COL22A1: variants seen among roughly 807,000 people sequenced by gnomAD.
The protein encoded by COL22A1 is collagen type XXII alpha 1 chain, also known as collagen alpha-1(XXII) chain.
A neutral mutation model predicts 248.9 loss-of-function variants in COL22A1; 221 were observed. The ratio of observed to expected loss-of-function variants is 0.89; its 90% confidence interval spans 0.80 to 0.99. The LOEUF is 0.99. Among genes scored for constraint, COL22A1 ranks in the 50% least tolerant of loss-of-function variants. COL22A1 has a pLI of 0.00. For missense variants in COL22A1, 2,240 were observed against 2,179.0 expected, an observed-to-expected ratio of 1.03 and a Z score of -0.56; for synonymous variants, 891 against 793.4, an observed-to-expected ratio of 1.12 and a Z score of -2.07.
intron 16 of COL22A1, among the ~76,000 whole-genome samples, chr8:138,771,564 A>C (rs1471713649): frequency 6.6e-6 from 1 of 152,360 alleles, no homozygotes; most frequent in African/African-American, 2.4e-5. Context: ...AGACTCCAAA[A>C]GCTTGCTGGA....
chr8:138,779,714 C>A, intron 13 of COL22A1, 152 bp from the exon 14 acceptor site: 1 of 600,652 alleles, frequency 1.7e-6, no homozygotes. Flanking sequence ...CCCGGGCTCC[C>A]CTCAGATGCT....
chr8:138,739,409 T>A (rs1797748617), intron 22 of COL22A1, among the ~76,000 whole-genome samples: 2 of 152,196 alleles, frequency 1.3e-5, no homozygotes, highest in African/African-American at 2.4e-5. Flanking sequence ...CCTGAAATGC[T>A]CCTTTAACTG....
At chr8:138,600,618 A>T (rs1258841099) in intron 60 of COL22A1, among the ~76,000 whole-genome samples, 1 of 152,190 alleles carries the variant, frequency 6.6e-6, no homozygotes, top group Non-Finnish European at 1.5e-5. Context: ...AAGGGGTGAG[A>T]TGGAAGGGGC....
At chr8:138,743,645 T>C (rs1265517305) in intron 22 of COL22A1, among the ~76,000 whole-genome samples, 1 of 152,190 alleles carries the variant, frequency 6.6e-6, no homozygotes, top group African/African-American at 2.4e-5. Flanking sequence ...AAAAAATAAA[T>C]TTTGTAGCAA....
At chr8:138,881,337 G>C (rs1824188075) in intron 2 of COL22A1, among the ~76,000 whole-genome samples, 1 of 147,770 alleles carries the variant, frequency 6.8e-6, no homozygotes. Context: ...CTGTAAATTC[G>C]ATAAAGAAAT....
intron 51 of COL22A1, among the ~76,000 whole-genome samples, chr8:138,624,422 C>G (rs2131963213): frequency 6.6e-6 from 1 of 151,914 alleles, no homozygotes; most frequent in African/African-American, 2.4e-5. Flanking sequence ...CTAAGGACAA[C>G]AGTGAGCAGA....
At chr8:138,608,108 T>A in intron 56 of COL22A1, 119 bp from the exon 57 acceptor site, 1 of 778,062 alleles carries the variant, frequency 1.3e-6, no homozygotes, top group Non-Finnish European at 2.0e-6. Context: ...CTCTAGCCAG[T>A]GTGGCTCTCA....
At chr8:138,845,690 T>C (rs1821194656) in intron 3 of COL22A1, among the ~76,000 whole-genome samples, 2 of 152,136 alleles carry the variant, frequency 1.3e-5, no homozygotes, top group African/African-American at 4.8e-5. Flanking sequence ...TTAATCTGTG[T>C]GTCTTAGCGT....
chr8:138,881,473 G>C (rs143633714), intron 2 of COL22A1, among the ~76,000 whole-genome samples: 18 of 152,076 alleles, frequency 1.2e-4, no homozygotes, highest in African/African-American at 2.9e-4. Flanking sequence ...ATCACGAGGT[G>C]AGGCGATCGA....
chr8:138,684,528 C>T (rs1826197207), intron 38 of COL22A1, 59 bp from the exon 39 acceptor site: 9 of 1,223,946 alleles, frequency 7.4e-6, no homozygotes, highest in African/African-American at 3.0e-5. Context: ...CTGACCCATC[C>T]ACCACGTGCC....
chr8:138,614,588 G>A (rs1819160354), intron 55 of COL22A1, among the ~76,000 whole-genome samples: 1 of 152,174 alleles, frequency 6.6e-6, no homozygotes, highest in African/African-American at 2.4e-5. Context: ...CTATGTACTG[G>A]GCGAGCTGAC....
intron 59 of COL22A1, among the ~76,000 whole-genome samples, chr8:138,603,136 A>T (rs1370275306): frequency 6.6e-6 from 1 of 152,206 alleles, no homozygotes; most frequent in Admixed American, 6.5e-5. Context: ...AGAAACATTC[A>T]TCGCATCCCT....
intron 37 of COL22A1, among the ~76,000 whole-genome samples, chr8:138,688,152 G>A (rs1283448157): frequency 6.9e-6 from 1 of 145,384 alleles, no homozygotes; most frequent in African/African-American, 2.6e-5. Flanking sequence ...TTAAAAGGGT[G>A]TAGATTCTCC....
chr8:138,800,258 T>C (rs541944085), intron 11 of COL22A1, among the ~76,000 whole-genome samples: 1 of 152,300 alleles, frequency 6.6e-6, no homozygotes, highest in East Asian at 1.9e-4. Context: ...CCCAACATTC[T>C]TGGCTTGTCA....
At chr8:138,766,390 G>C (rs997983918) in intron 16 of COL22A1, among the ~76,000 whole-genome samples, 4 of 152,058 alleles carry the variant, frequency 2.6e-5, no homozygotes, top group African/African-American at 9.7e-5. Context: ...GCAGGGGCGA[G>C]AGGAATGAGA....
In COL22A1 at chr8:138,790,724, T is replaced by C. The variant is rs572965052; in HGVS notation, c.1596+6095A>G. ...AGGGAAGACCTGGCTTCTCTGTGACTGCAGACCTGACTGTCACCCAAAGGG... is the reference window on the plus strand; with the variant it reads ...AGGGAAGACCTGGCTTCTCTGTGACCGCAGACCTGACTGTCACCCAAAGGG... On this transcript the variant is annotated intron_variant, in intron 12 of 64. Coordinates refer to ENST00000303045, the MANE Select transcript of COL22A1 (RefSeq NM_152888.3). Among the ~76,000 whole-genome samples, 8 of 152,322 alleles carry C rather than the reference T, an allele frequency of 5.3e-5. No homozygotes were observed. The South Asian group carries it at 1.5e-3, about 28-fold the overall frequency.
At position 138,790,636 on chromosome 8, in the gene COL22A1, G is replaced by A. The variant is rs557430446; in HGVS notation, c.1596+6183C>T. Among the ~76,000 whole-genome samples the A allele has an allele frequency of 1.6e-4, 24 of 152,222 alleles. 1 individual carries two copies. The South Asian group carries it at 3.5e-3, about 22-fold the overall frequency. On this transcript the variant is annotated intron_variant, in intron 12 of 64. Coordinates refer to ENST00000303045, the MANE Select transcript of COL22A1 (RefSeq NM_152888.3). ...AACATTGAAGAAATAACCTGGTTCC[G>A]GTGAGAAGAACCCATTATTTAACAC...
chr8:138,759,287 A>G lies in COL22A1; in HGVS notation c.1902+956T>C, dbSNP rs181111053. Among the ~76,000 whole-genome samples the G allele has an allele frequency of 9.8e-5, 15 of 152,310 alleles. No individual in the cohort carries two copies. The East Asian group carries it at 2.9e-3, about 29-fold the overall frequency. On this transcript the variant is annotated intron_variant, in intron 18 of 64. Transcript: ENST00000303045. ...CAGCCTTCTCCCATATTTAGAGCATATGCTGGAAACCAGTCTGAGTCAGAC... is the reference window on the plus strand; with the variant it reads ...CAGCCTTCTCCCATATTTAGAGCATGTGCTGGAAACCAGTCTGAGTCAGAC...
intron 34 of COL22A1, 132 bp from the exon 35 acceptor site, chr8:138,693,831 C>T (rs960258164): frequency 2.5e-5 from 22 of 890,638 alleles, no homozygotes; most frequent in South Asian, 4.4e-5. Context: ...CCGGGAGCAC[C>T]GTCTAAAAGG....
Sources: allele counts gnomAD v4.1 joint callset (sites outside exome capture counted in the v4.1 genomes callset), GRCh38; gene constraint gnomAD v4.1.1; transcripts MANE v1.5; gene names NCBI Gene and HGNC (gene_info 2026-07-23, HGNC 2026-07-21).